Variants in NAV3 observed in about 807,000 individuals in gnomAD.
NAV3 encodes the protein neuron navigator 3.
Under a neutral mutation model 244.7 loss-of-function variants are expected in NAV3, and 87 were observed. The observed-to-expected ratio is 0.36, with a 90% confidence interval of 0.30 to 0.42. The LOEUF (loss-of-function observed/expected upper bound fraction) is 0.42. NAV3 is among the 20% of genes least tolerant of loss of function. NAV3 has a pLI of 1.00. For synonymous variants in NAV3, 1,126 were observed against 1,042.2 expected (o/e 1.08, Z -1.55); for missense variants, 2,663 against 2,893.3 (o/e 0.92, Z 1.83).
intron 9 of NAV3, among the ~76,000 whole-genome samples, chr12:78,042,031 C>G (rs939500553): frequency 6.6e-6 from 1 of 152,084 alleles, no homozygotes; most frequent in Non-Finnish European, 1.5e-5. Context: ...CTTCCCTGTC[C>G]CTCTCTTAAT....
chr12:77,602,040 C>T (rs1170623089), intron 2 of NAV3, among the ~76,000 whole-genome samples: 2 of 151,972 alleles, frequency 1.3e-5, no homozygotes, highest in African/African-American at 4.8e-5. Context: ...TCTCTGTCAG[C>T]CAAACACTGC....
Position 78,121,954 on chromosome 12 carries a change from AG to A in NAV3, c.3766del (p.Ala1256GlnfsTer14), listed in dbSNP as rs1245957872. On this transcript the variant is annotated frameshift_variant, in exon 16 of 40. Coordinates refer to ENST00000397909, the MANE Select transcript of NAV3 (RefSeq NM_001024383.2). LOFTEE classifies it high-confidence loss of function. ...SPTFRRLFGA[K>X]AGGKSASAPN... is the part of the protein sequence containing the mutation. ...TTTTCTTTTAGGTTGTTTGGTGCCA[AG>A]GCAGGTGGCAAATCTGCCTCTGCAC... 1 of 1,613,720 alleles carries A rather than the reference AG, an allele frequency of 6.2e-7. No individual in the cohort carries two copies. The highest frequency in any genetic ancestry group is 8.5e-7 in the Non-Finnish European group (1 of 1,179,662).
chr12:77,594,249 G>C (rs774877647), intron 2 of NAV3, among the ~76,000 whole-genome samples: 1 of 151,736 alleles, frequency 6.6e-6, no homozygotes, highest in Non-Finnish European at 1.5e-5. Flanking sequence ...CTGGTCTTCT[G>C]TATTGAAAGT....
chr12:77,618,289 T>G (rs1000689986), intron 2 of NAV3, among the ~76,000 whole-genome samples: 4 of 152,240 alleles, frequency 2.6e-5, no homozygotes, highest in African/African-American at 7.2e-5. Flanking sequence ...GTTTACTACT[T>G]TAAGCCATTA....
chr12:77,745,814 C>A (rs544905276), intron 2 of NAV3, among the ~76,000 whole-genome samples: 3 of 151,798 alleles, frequency 2.0e-5, no homozygotes, highest in Admixed American at 1.3e-4. Flanking sequence ...TAGTCCTTGA[C>A]AGAGAGGGAC....
rs145501513 is a variant in NAV3, at chr12:77,724,579, A to G, written c.72+152313A>G. 5.2e-3 allele frequency among the ~76,000 whole-genome samples: 786 copies of G among 151,872 alleles called. 2 individuals carry two copies. The highest frequency in any genetic ancestry group is 0.017 in the Middle Eastern group (5 of 294). ...TGCCACCAGAAGGTGCTACAGGGAAATAAAACCAGCCTGTTTGAATGCTTT... is the reference window on the plus strand; with the variant it reads ...TGCCACCAGAAGGTGCTACAGGGAAGTAAAACCAGCCTGTTTGAATGCTTT... On this transcript the variant is annotated intron_variant, in intron 2 of 8. Coordinates refer to the NAV3 transcript ENST00000550042.
chr12:77,850,030 G>A (rs187775917), intron 1 of NAV3, among the ~76,000 whole-genome samples: 114 of 152,184 alleles, frequency 7.5e-4, no homozygotes, highest in Non-Finnish European at 9.6e-4. Context: ...TGTCCTAAGC[G>A]TCCCATTTAT....
intron 2 of NAV3, among the ~76,000 whole-genome samples, chr12:77,813,998 G>A (rs1469356453): frequency 2.6e-5 from 4 of 152,084 alleles, no homozygotes; most frequent in African/African-American, 7.2e-5. Flanking sequence ...ATTAGTAGCA[G>A]CATTTAGGAA....
chr12:77,726,090 C>A (rs1876864669), intron 2 of NAV3, among the ~76,000 whole-genome samples: 2 of 151,894 alleles, frequency 1.3e-5, no homozygotes, highest in South Asian at 2.1e-4. Context: ...CCCTTTCCAT[C>A]TCATATATTC....
Position 77,982,554 on chromosome 12 carries a change from A to G in NAV3, c.672-12249A>G, listed in dbSNP as rs533518704. 2.6e-5 allele frequency among the ~76,000 whole-genome samples: 4 copies of G among 152,316 alleles called. No individual in the cohort carries two copies. In the East Asian group the frequency reaches 7.7e-4, roughly 29 times the overall value. ...AATGCCATTTCACATTCAGGAAATGAGTTATTTGGCTGAGGAGAAAGTTAA... is the reference window on the plus strand; with the variant it reads ...AATGCCATTTCACATTCAGGAAATGGGTTATTTGGCTGAGGAGAAAGTTAA... On this transcript the variant is annotated intron_variant, in intron 5 of 39. Coordinates refer to ENST00000397909, the MANE Select transcript of NAV3 (RefSeq NM_001024383.2).
At chr12:77,720,830 GTAC>G (rs1876589098) in intron 2 of NAV3, among the ~76,000 whole-genome samples, 2 of 152,104 alleles carry the variant, frequency 1.3e-5, no homozygotes, top group Admixed American at 6.5e-5. Flanking sequence ...GTGTGTCCAT[GTAC>G]TATTGTCCAT....
At chr12:77,785,576 A>G (rs1374128648) in intron 2 of NAV3, among the ~76,000 whole-genome samples, 1 of 152,166 alleles carries the variant, frequency 6.6e-6, no homozygotes. Flanking sequence ...TGTATTAGGG[A>G]TAGGTTCAAG....
At chr12:77,799,988 T>C (rs904727755) in intron 2 of NAV3, among the ~76,000 whole-genome samples, 1 of 152,184 alleles carries the variant, frequency 6.6e-6, no homozygotes, top group Non-Finnish European at 1.5e-5. Context: ...ACTTATACAA[T>C]TAGATCAATG....
At chr12:77,794,330 A>G in intron 2 of NAV3, among the ~76,000 whole-genome samples, 1 of 152,188 alleles carries the variant, frequency 6.6e-6, no homozygotes, top group Non-Finnish European at 1.5e-5. Flanking sequence ...TCTAGCTGTC[A>G]GTAACATATT....
chr12:78,030,369 G>C (rs1402892136), intron 9 of NAV3, among the ~76,000 whole-genome samples: 18 of 152,126 alleles, frequency 1.2e-4, no homozygotes. Flanking sequence ...TTATTGCCAG[G>C]TCCTAGCTCA....
chr12:78,144,001 A>G (rs997657611), intron 20 of NAV3, among the ~76,000 whole-genome samples: 4 of 152,200 alleles, frequency 2.6e-5, no homozygotes, highest in African/African-American at 9.7e-5. Context: ...GGAAAATGAA[A>G]GACAGCCAAG....
At chr12:77,691,346 TATATATATAC>T (rs1204247773) in intron 2 of NAV3, among the ~76,000 whole-genome samples, 34 of 135,764 alleles carry the variant, frequency 2.5e-4, no homozygotes, top group Non-Finnish European at 4.2e-4. Context: ...TGTATATATA[TATATATATAC>T]ATATCCATTC....
At position 77,994,730 on chromosome 12, in the gene NAV3, C is replaced by A. The variant is rs1056326658; in HGVS notation, c.672-73C>A. ...TTGCATTTCATTAATTCATAGTTTT[C>A]TTGTAAGTTTGTGCTTTCCTTCCAT... On this transcript the variant is annotated intron_variant, in intron 5 of 39. Coordinates refer to ENST00000397909, the MANE Select transcript of NAV3 (RefSeq NM_001024383.2). 1.0e-5 allele frequency: 12 copies of A among 1,178,402 alleles called. No homozygotes were observed. The African/African-American group carries it at 1.5e-4, about 15-fold the overall frequency. 73.0% of individuals were successfully genotyped at this position (1,178,402 alleles called of 1,614,324 possible).
intron 2 of NAV3, among the ~76,000 whole-genome samples, chr12:77,788,425 C>A (rs902960474): frequency 1.3e-5 from 2 of 152,120 alleles, no homozygotes; most frequent in African/African-American, 4.8e-5. Flanking sequence ...CTGTGATGGG[C>A]TCCCTTGTGT....
Sources: gnomAD v4.1 joint callset for allele counts (sites outside exome capture counted in the v4.1 genomes callset) on GRCh38, gnomAD v4.1.1 for gene constraint, MANE v1.5 for transcripts, NCBI Gene and HGNC (gene_info 2026-07-23, HGNC 2026-07-21) for gene names.